RBPMS: variants seen among roughly 807,000 people sequenced by gnomAD.
The protein encoded by RBPMS is RNA binding protein, mRNA processing factor.
Under a neutral mutation model 26.8 loss-of-function variants are expected in RBPMS, and 7 were observed. The ratio of observed to expected loss-of-function variants is 0.26; its 90% CI spans 0.15 to 0.49. RBPMS has a LOEUF of 0.49. RBPMS is among the 20% of genes least tolerant of loss of function. The pLI, the probability that RBPMS is intolerant of heterozygous loss-of-function variation, is 0.98. For missense variants in RBPMS, 186 were observed against 250.0 expected, an observed-to-expected ratio of 0.74 and a Z score of 1.73; for synonymous variants, 96 against 93.3, an observed-to-expected ratio of 1.03 and a Z score of -0.17.
In RBPMS at chr8:30,466,687, C is replaced by G. The variant is rs540642800; in HGVS notation, c.67-8092C>G. On this transcript the variant is annotated intron_variant, in intron 1 of 8. Coordinates refer to ENST00000397323, the MANE Select transcript of RBPMS (RefSeq NM_001008710.3). ...TCGGCTCACAGCAACCTCTGCCTCC[C>G]AGGTTCAGGTGATTCTCCTGCCTCA... is the stretch of plus-strand genomic sequence containing the variant. Among the ~76,000 whole-genome samples, 202 of 151,846 alleles carry G rather than the reference C, an allele frequency of 1.3e-3. 2 individuals are homozygous for G. The highest frequency in any genetic ancestry group is 4.7e-3 in the African/African-American group (194 of 41,422).
At chr8:30,421,313 A>G (rs1408568815) in intron 1 of RBPMS, among the ~76,000 whole-genome samples, 1 of 152,174 alleles carries the variant, frequency 6.6e-6, no homozygotes, top group Non-Finnish European at 1.5e-5. Context: ...AGAAATTATC[A>G]CCAGACAGCA....
chr8:30,528,893 A>AT (rs35909625), intron 5 of RBPMS, among the ~76,000 whole-genome samples: 25,680 of 150,848 alleles, frequency 0.17, 2,627 homozygotes, highest in South Asian at 0.32. Context: ...ACAACTCAGT[A>AT]TTTTTTTTTG....
chr8:30,516,561 C>A (rs554473998), intron 5 of RBPMS, among the ~76,000 whole-genome samples: 5 of 152,278 alleles, frequency 3.3e-5, no homozygotes, highest in Non-Finnish European at 7.4e-5. Flanking sequence ...ACCCAAGTAT[C>A]TTTCACAAAT....
At chr8:30,439,731 CTGCAGCCT>C (rs1812862098) in intron 1 of RBPMS, among the ~76,000 whole-genome samples, 1 of 152,086 alleles carries the variant, frequency 6.6e-6, no homozygotes, top group African/African-American at 2.4e-5. Flanking sequence ...TCACTGCTCG[CTGCAGCCT>C]TGACCTGGCT....
chr8:30,489,972 G>C (rs185004154), intron 4 of RBPMS, among the ~76,000 whole-genome samples: 1 of 151,568 alleles, frequency 6.6e-6, no homozygotes, highest in Non-Finnish European at 1.5e-5. Context: ...CACCACGCCC[G>C]GCTAATTTTT....
chr8:30,465,449 A>G (rs538794912), intron 1 of RBPMS, among the ~76,000 whole-genome samples: 2 of 152,312 alleles, frequency 1.3e-5, no homozygotes, highest in South Asian at 4.1e-4. Context: ...TTTTAGATAT[A>G]TGGCAGACAT....
chr8:30,555,948 T>C, intron 6 of RBPMS: 1 of 985,450 alleles, frequency 1.0e-6, no homozygotes, highest in Non-Finnish European at 1.2e-6. Context: ...CTGTGCACCA[T>C]GAGCCCTGCC....
chr8:30,422,339 C>T (rs1472642422), intron 1 of RBPMS, among the ~76,000 whole-genome samples: 1 of 152,046 alleles, frequency 6.6e-6, no homozygotes, highest in Non-Finnish European at 1.5e-5. Flanking sequence ...GTCTTGAACT[C>T]CTGACCTCAG....
intron 7 of RBPMS, 85 bp downstream of exon 7, chr8:30,559,041 CCTTT>C (rs995433480): frequency 2.7e-6 from 3 of 1,094,526 alleles, no homozygotes; most frequent in Non-Finnish European, 4.2e-6. Context: ...CAGCTCTCCT[CCTTT>C]CTCTGCACCC....
At chr8:30,568,826 T>C (rs1828070483) in intron 8 of RBPMS, among the ~76,000 whole-genome samples, 1 of 146,218 alleles carries the variant, frequency 6.8e-6, no homozygotes, top group South Asian at 2.1e-4. Flanking sequence ...GGGACTGAAA[T>C]AGCCACATTT....
At chr8:30,543,767 T>C (rs1273460188) in intron 5 of RBPMS, among the ~76,000 whole-genome samples, 5 of 152,216 alleles carry the variant, frequency 3.3e-5, no homozygotes, top group Non-Finnish European at 7.3e-5. Flanking sequence ...TGGAGCTGCC[T>C]GAGGAACACT....
chr8:30,535,550 A>G (rs1824701257), intron 5 of RBPMS, among the ~76,000 whole-genome samples: 1 of 152,220 alleles, frequency 6.6e-6, no homozygotes, highest in African/African-American at 2.4e-5. Flanking sequence ...TCATTAGATC[A>G]GCTTCATTAA....
chr8:30,559,377 A>G (rs1374137114), intron 7 of RBPMS, among the ~76,000 whole-genome samples: 2 of 152,264 alleles, frequency 1.3e-5, no homozygotes, highest in Non-Finnish European at 2.9e-5. Context: ...GTTTCCCTGC[A>G]TACATCATAT....
chr8:30,414,265 A>G (rs1809804632), intron 1 of RBPMS, among the ~76,000 whole-genome samples: 1 of 152,212 alleles, frequency 6.6e-6, no homozygotes, highest in African/African-American at 2.4e-5. Context: ...CTATTTAGAA[A>G]CAATGAACAA....
rs1822943473 is a variant in RBPMS, at chr8:30,520,790, C to T, written c.397+16354C>T. Among the ~76,000 whole-genome samples, 6 of 151,908 alleles carry T rather than the reference C, an allele frequency of 3.9e-5. No homozygotes were observed. In the South Asian group the frequency reaches 1.2e-3, roughly 32 times the overall value. ...ACATCCACAGAAAAACCCACTTTTA[C>T]AGCTTTGTGAGAATAAAATTTTTAG... On this transcript the variant is annotated intron_variant, in intron 5 of 8. Coordinates refer to ENST00000397323, the MANE Select transcript of RBPMS (RefSeq NM_001008710.3).
At position 30,424,045 on chromosome 8, in the gene RBPMS, C is replaced by T. The variant is rs150560111; in HGVS notation, c.66+38887C>T. 4.5e-3 allele frequency among the ~76,000 whole-genome samples: 683 copies of T among 152,142 alleles called. 8 individuals are homozygous for T. The highest frequency in any genetic ancestry group is 0.014 in the African/African-American group (589 of 41,498). On this transcript the variant is annotated intron_variant, in intron 1 of 8. Coordinates refer to ENST00000397323, the MANE Select transcript of RBPMS (RefSeq NM_001008710.3). ...TAGAGACAGAGGTTCACCATGTTGG[C>T]CAGGCTGGTCTCTAACTCCTGACCT...
intron 6 of RBPMS, chr8:30,549,428 G>T: frequency 7.6e-7 from 1 of 1,319,292 alleles, no homozygotes. Context: ...TCTGCCCAAG[G>T]CCTTCCATTG....
At chr8:30,389,792 AAT>A (rs1485244039) in intron 1 of RBPMS, among the ~76,000 whole-genome samples, 5 of 152,088 alleles carry the variant, frequency 3.3e-5, no homozygotes, top group African/African-American at 7.2e-5. Flanking sequence ...TGGATTATAA[AAT>A]ATGTATTATA....
intron 7 of RBPMS, among the ~76,000 whole-genome samples, chr8:30,562,825 CA>C (rs1157320494): frequency 6.6e-6 from 1 of 152,132 alleles, no homozygotes; most frequent in Non-Finnish European, 1.5e-5. Flanking sequence ...GCCGTCCTTC[CA>C]AATCCTCAAA....
Sources: gnomAD v4.1 joint callset for allele counts (sites outside exome capture counted in the v4.1 genomes callset) on GRCh38, gnomAD v4.1.1 for gene constraint, MANE v1.5 for transcripts, NCBI Gene and HGNC (gene_info 2026-07-23, HGNC 2026-07-21) for gene names.